Variants in TBC1D5 observed in about 807,000 individuals in gnomAD.
TBC1D5 encodes TBC1 domain family, member 5.
TBC1D5 carries 75 observed loss-of-function variants against 100.3 expected under a neutral mutation model. That is an observed-to-expected ratio of 0.75 (90% confidence interval 0.62 to 0.91). The LOEUF is 0.91. TBC1D5 is among the 40% of genes least tolerant of loss of function. The probability of loss-of-function intolerance (pLI) is 0.00; values close to 1 mark genes in which losing one functional copy is unlikely to be tolerated. For missense variants in TBC1D5, 910 were observed against 942.4 expected (o/e 0.97, Z 0.45); for synonymous variants, 323 against 325.6 (o/e 0.99, Z 0.09).
At chr3:17,369,959 G>C (rs1171662013) in intron 13 of TBC1D5, among the ~76,000 whole-genome samples, 2 of 152,174 alleles carry the variant, frequency 1.3e-5, no homozygotes, top group African/African-American at 4.8e-5. Flanking sequence ...AGGTAGCTAT[G>C]ATTATTGCAA....
chr3:17,197,625 G>A (rs2125740478), intron 18 of TBC1D5, among the ~76,000 whole-genome samples: 1 of 152,204 alleles, frequency 6.6e-6, no homozygotes, highest in Admixed American at 6.5e-5. Context: ...TCCCACCTCA[G>A]CCTCTCAAAG....
At chr3:17,701,268 G>C (rs1197754600) in intron 1 of TBC1D5, among the ~76,000 whole-genome samples, 1 of 152,024 alleles carries the variant, frequency 6.6e-6, no homozygotes, top group Non-Finnish European at 1.5e-5. Context: ...TCATAGGTGG[G>C]ACCTGAACGA....
chr3:17,302,935 G>A (rs2083005602), intron 14 of TBC1D5, among the ~76,000 whole-genome samples: 1 of 152,182 alleles, frequency 6.6e-6, no homozygotes, highest in South Asian at 2.1e-4. Flanking sequence ...TTATGAGTCA[G>A]AATCCACTGG....
intron 1 of TBC1D5, among the ~76,000 whole-genome samples, chr3:17,647,318 T>C (rs979013496): frequency 6.6e-6 from 1 of 152,110 alleles, no homozygotes; most frequent in African/African-American, 2.4e-5. Context: ...CTAAAGACAG[T>C]GGTTAAACAG....
chr3:17,216,871 T>G (rs1270400455), intron 17 of TBC1D5, among the ~76,000 whole-genome samples: 1 of 152,158 alleles, frequency 6.6e-6, no homozygotes, highest in Non-Finnish European at 1.5e-5. Flanking sequence ...AAAACAACAC[T>G]TTGAGATATA....
At chr3:17,345,296 G>A (rs1305291442) in intron 13 of TBC1D5, among the ~76,000 whole-genome samples, 3 of 152,220 alleles carry the variant, frequency 2.0e-5, no homozygotes, top group Non-Finnish European at 1.5e-5. Context: ...AGACATTTAT[G>A]CAGCCAAAAG....
intron 1 of TBC1D5, among the ~76,000 whole-genome samples, chr3:17,664,734 A>G (rs568703932): frequency 6.6e-6 from 1 of 152,344 alleles, no homozygotes; most frequent in Admixed American, 6.5e-5. Context: ...CAAGGCTAGA[A>G]GAACAGAACA....
chr3:17,489,997 C>T (rs943515145), intron 3 of TBC1D5, among the ~76,000 whole-genome samples: 6 of 152,230 alleles, frequency 3.9e-5, no homozygotes, highest in Non-Finnish European at 5.9e-5. Context: ...TCCACAGCCT[C>T]ATCAGCATCT....
chr3:17,181,150 T>C (rs574752211), intron 19 of TBC1D5, among the ~76,000 whole-genome samples: 94 of 152,296 alleles, frequency 6.2e-4, no homozygotes, highest in Admixed American at 2.1e-3. Context: ...AGTTCTGACA[T>C]AGCTATTCTT....
At position 17,706,203 on chromosome 3, in the gene TBC1D5, G is replaced by A. The variant is rs2074139340; in HGVS notation, c.-101+33140C>T. 9.7e-6 allele frequency: 15 copies of A among 1,551,874 alleles called. 1 individual carries two copies. The highest frequency in any genetic ancestry group is 3.9e-5 in the Admixed American group (2 of 51,166). On this transcript the variant is annotated intron_variant, in intron 1 of 21. Transcript: ENST00000253692. ...CTCGAAGGGCCTCTTCTCCGGCATC[G>A]CGGCGAGGCCCAGGCTGTGGAGGCG...
At chr3:17,199,829 A>G (rs2071236036) in intron 18 of TBC1D5, among the ~76,000 whole-genome samples, 1 of 152,204 alleles carries the variant, frequency 6.6e-6, no homozygotes, top group Non-Finnish European at 1.5e-5. Context: ...CGGACAAGGT[A>G]TGGTTGAATT....
intron 15 of TBC1D5, among the ~76,000 whole-genome samples, chr3:17,264,624 T>C (rs897982923): frequency 8.5e-5 from 13 of 152,198 alleles, no homozygotes; most frequent in Admixed American, 2.6e-4. Flanking sequence ...GGGTGCCTGA[T>C]AGGTGAGGCA....
At chr3:17,665,483 A>C (rs1355081189) in intron 1 of TBC1D5, among the ~76,000 whole-genome samples, 1 of 152,230 alleles carries the variant, frequency 6.6e-6, no homozygotes, top group Non-Finnish European at 1.5e-5. Flanking sequence ...TAATTCTATC[A>C]ACCAACAGTA....
chr3:17,569,764 T>C (rs957654843), intron 2 of TBC1D5, among the ~76,000 whole-genome samples: 2 of 151,168 alleles, frequency 1.3e-5, no homozygotes, highest in African/African-American at 4.8e-5. Context: ...TTAGGCAATA[T>C]ATATTTATAT....
At chr3:17,470,718 G>A (rs557876099) in intron 3 of TBC1D5, among the ~76,000 whole-genome samples, 4 of 152,104 alleles carry the variant, frequency 2.6e-5, no homozygotes, top group South Asian at 2.1e-4. Context: ...TCAAGACATC[G>A]AGACCATCCT....
At chr3:17,192,252 GAGAAAAA>G (rs2070023004) in intron 18 of TBC1D5, among the ~76,000 whole-genome samples, 1 of 150,456 alleles carries the variant, frequency 6.6e-6, no homozygotes, top group South Asian at 2.1e-4. Context: ...GATTGCCAAG[GAGAAAAA>G]AGACATAACT....
At chr3:17,598,463 A>C (rs2060717058) in intron 2 of TBC1D5, among the ~76,000 whole-genome samples, 1 of 152,166 alleles carries the variant, frequency 6.6e-6, no homozygotes, top group African/African-American at 2.4e-5. Flanking sequence ...CAGACTTCTT[A>C]TTCTGCATCT....
chr3:17,606,904 G>A (rs1200937525), intron 2 of TBC1D5, among the ~76,000 whole-genome samples: 1 of 152,030 alleles, frequency 6.6e-6, no homozygotes, highest in Non-Finnish European at 1.5e-5. Flanking sequence ...CTCAAGATAG[G>A]TCTTGCAACA....
chr3:17,721,267 T>C (rs924113522), intron 1 of TBC1D5, among the ~76,000 whole-genome samples: 3 of 152,310 alleles, frequency 2.0e-5, no homozygotes, highest in South Asian at 4.1e-4. Context: ...TAATTAGAGT[T>C]CTCTGATGGC....
Sources: allele counts gnomAD v4.1 joint callset (sites outside exome capture counted in the v4.1 genomes callset), GRCh38; gene constraint gnomAD v4.1.1; transcripts MANE v1.5; gene names NCBI Gene and HGNC (gene_info 2026-07-23, HGNC 2026-07-21).